Variants in TMEM9B observed in about 807,000 individuals in gnomAD.
The protein encoded by TMEM9B is TMEM9 domain family member B.
Under a neutral mutation model 23.5 loss-of-function variants are expected in TMEM9B, and 8 were observed. The observed-to-expected ratio is 0.34, with a 90% CI of 0.20 to 0.61. TMEM9B has a LOEUF of 0.61. Ranked by LOEUF, TMEM9B falls within the 20% of genes least tolerant of loss-of-function variation. The pLI, the probability that TMEM9B is intolerant of heterozygous loss-of-function variation, is 0.78. For synonymous variants in TMEM9B, 106 were observed against 96.3 expected, an observed-to-expected ratio of 1.10 and a Z score of -0.59; for missense variants, 197 against 252.3, an observed-to-expected ratio of 0.78 and a Z score of 1.49.
intron 2 of TMEM9B, among the ~76,000 whole-genome samples, chr11:8,961,819 GCT>G (rs1452312715): frequency 1.3e-5 from 2 of 152,198 alleles, no homozygotes; most frequent in Non-Finnish European, 2.9e-5. Flanking sequence ...CAGCAAGATA[GCT>G]ATGGGTAGTT....
chr11:8,960,139 T>G (rs1370548651), intron 2 of TMEM9B, among the ~76,000 whole-genome samples: 2 of 4,028 alleles, frequency 5.0e-4, no homozygotes, highest in Non-Finnish European at 8.9e-3. Flanking sequence ...TTTGTTTCTG[T>G]TTTTTTTTTT....
At chr11:8,949,046 C>T (rs111649699) in intron 4 of TMEM9B, among the ~76,000 whole-genome samples, 44 of 152,198 alleles carry the variant, frequency 2.9e-4, no homozygotes, top group African/African-American at 1.0e-3. Flanking sequence ...GTACCCTCAA[C>T]ACACACACTA....
rs138774946 is a variant in TMEM9B at position 8,964,235 on chromosome 11, G to A, written c.79C>T (p.Leu27=). 619 of 1,591,436 alleles carry A rather than the reference G, an allele frequency of 3.9e-4. No individual in the cohort carries two copies. The African/African-American group carries it at 7.5e-3, about 19-fold the overall frequency. Residue 27 remains leucine (L), a synonymous_variant, in exon 1 of 5, where the codon CTG becomes TTG. Coordinates refer to ENST00000534025, the MANE Select transcript of TMEM9B (RefSeq NM_020644.3). Reference sequence around the variant, plus strand: ...TTGGCGGCGTCTGACAGCTGCGCCAGCAGCAGCACGGAAAGCGCCAGGCAC... The same window carrying A: ...TTGGCGGCGTCTGACAGCTGCGCCAACAGCAGCACGGAAAGCGCCAGGCAC... ...LSCLALSVLL[L]AQLSDAAKNF...
chr11:8,964,456 T>C (rs991298855), upstream of TMEM9B: 3 of 1,421,160 alleles, frequency 2.1e-6, no homozygotes, highest in African/African-American at 1.5e-5. Context: ...CGCGAAGGCG[T>C]CACCGGGCGC....
rs1853791194 is a variant in TMEM9B, at chr11:8,947,522, C to A, written c.*798G>T. ...GAGGCTTGGGTTTAAAATAAAATTT[C>A]TTTATTGCAAGTGTCCAAGTCCTTA... On this transcript the variant is annotated 3_prime_UTR_variant, in exon 5 of 5. Transcript: ENST00000534025. 1 of 152,530 alleles carries A rather than the reference C, an allele frequency of 6.6e-6. No homozygotes were observed. The highest frequency in any genetic ancestry group is 3.2e-3 in the Middle Eastern group (1 of 316). The allele number at this position is 152,530 out of a possible 1,614,324, so 9.4% of individuals were successfully genotyped here.
At chr11:8,950,310 A>G (rs1327107209) in intron 4 of TMEM9B, among the ~76,000 whole-genome samples, 1 of 152,220 alleles carries the variant, frequency 6.6e-6, no homozygotes, top group African/African-American at 2.4e-5. Context: ...GTAGATTAAA[A>G]TGACACTATA....
rs1227081237 is a variant in TMEM9B at position 8,964,263 on chromosome 11, C to G, written c.51G>C (p.Leu17=). 2 of 1,596,938 alleles carry G rather than the reference C, an allele frequency of 1.3e-6. No homozygotes were observed. Among genetic ancestry groups the G allele is most frequent in the South Asian group, 1.1e-5 (1 of 88,402 alleles). The stretch of plus-strand genomic sequence containing the variant: ...GCAGCACGGAAAGCGCCAGGCACGA[C>G]AGGCTGAGCAAGGAGCCAAGCCGAA... ...GLLRLGSLLS[L]SCLALSVLLL... The change falls in exon 1 of 5, where the codon CTG becomes CTC. Residue 17 remains leucine, a synonymous_variant. Transcript: ENST00000534025.
chr11:8,954,343 G>C (rs907535248), intron 3 of TMEM9B, among the ~76,000 whole-genome samples: 1 of 151,782 alleles, frequency 6.6e-6, no homozygotes, highest in African/African-American at 2.4e-5. Context: ...TCACTGGAGT[G>C]CAGTGGCACG....
At chr11:8,951,961 T>C (rs1207983158) in intron 4 of TMEM9B, among the ~76,000 whole-genome samples, 1 of 151,336 alleles carries the variant, frequency 6.6e-6, no homozygotes, top group Non-Finnish European at 1.5e-5. Context: ...CAAAAAAAAT[T>C]AGCCAGGCGT....
chr11:8,959,283 A>C (rs1281623484), intron 2 of TMEM9B, among the ~76,000 whole-genome samples: 1 of 152,196 alleles, frequency 6.6e-6, no homozygotes, highest in Non-Finnish European at 1.5e-5. Flanking sequence ...GTCGACAAAA[A>C]TAAAAATTAG....
At chr11:8,960,427 C>T (rs1854055108) in intron 2 of TMEM9B, among the ~76,000 whole-genome samples, 1 of 152,070 alleles carries the variant, frequency 6.6e-6, no homozygotes, top group African/African-American at 2.4e-5. Context: ...CAGGTGTGAG[C>T]CACCATGTCC....
In TMEM9B at chr11:8,953,273, A is replaced by G; in HGVS notation, c.371T>C (p.Leu124Pro). Residue 124 changes from leucine (L) to proline (P), a missense_variant, in exon 4 of 5, where the codon CTG (leucine) becomes CCG (proline). Coordinates refer to ENST00000534025, the MANE Select transcript of TMEM9B (RefSeq NM_020644.3). Reference protein sequence around the residue: ...LLLLYMVYLTLVEPILKRRLF... With the variant: ...LLLLYMVYLTPVEPILKRRLF... ...GCGCCTCTTCAGTATGGGCTCAACC[A>G]GAGTAAGATATACCATGTACAGAAG... is the stretch of plus-strand genomic sequence containing the variant. 6.2e-7 allele frequency: 1 copy of G among 1,614,178 alleles called. No homozygotes were observed. Among genetic ancestry groups the G allele is most frequent in the Non-Finnish European group, 8.5e-7 (1 of 1,180,020 alleles).
chr11:8,964,539 C>A, upstream of TMEM9B: 1 of 1,310,744 alleles, frequency 7.6e-7, no homozygotes. Flanking sequence ...CTGGGCAGTC[C>A]TGGTGCCCGC....
chr11:8,953,251 C>G lies in TMEM9B; in HGVS notation c.393G>C (p.Arg131Ser). 6.2e-7 allele frequency: 1 copy of G among 1,614,126 alleles called. No individual in the cohort carries two copies. The highest frequency in any genetic ancestry group is 8.5e-7 in the Non-Finnish European group (1 of 1,180,034). Residue 131 changes from arginine to serine, a missense_variant, in exon 4 of 5, where the codon AGG becomes AGC. By Grantham distance (110) the Arg-to-Ser change is moderately radical. Coordinates refer to ENST00000534025, the MANE Select transcript of TMEM9B (RefSeq NM_020644.3). ...TCAACTGTGCATGTCCAAAGAGGCG[C>G]CTCTTCAGTATGGGCTCAACCAGAG... ...YLTLVEPILK[R>S]RLFGHAQLIQ...
intron 3 of TMEM9B, among the ~76,000 whole-genome samples, chr11:8,953,714 T>C (rs1178786894): frequency 6.6e-6 from 1 of 152,144 alleles, no homozygotes; most frequent in Non-Finnish European, 1.5e-5. Context: ...TGACCTTAAT[T>C]CATGTACTGA....
chr11:8,963,239 T>C (rs1459892238), intron 1 of TMEM9B, among the ~76,000 whole-genome samples: 1 of 152,214 alleles, frequency 6.6e-6, no homozygotes, highest in Non-Finnish European at 1.5e-5. Context: ...GAGGTAGAGA[T>C]GGTTTCAAAA....
At chr11:8,961,846 C>T (rs564181877) in intron 2 of TMEM9B, among the ~76,000 whole-genome samples, 66 of 152,108 alleles carry the variant, frequency 4.3e-4, no homozygotes, top group Non-Finnish European at 8.5e-4. Flanking sequence ...TGCCACAAAC[C>T]CAGTCATATG....
chr11:8,956,070 G>T, intron 3 of TMEM9B, 120 bp downstream of exon 3: 1 of 727,064 alleles, frequency 1.4e-6, no homozygotes, highest in Non-Finnish European at 2.2e-6. Flanking sequence ...AGGCAGAACA[G>T]GCCCATTATT....
chr11:8,961,392 A>G (rs1854078229), intron 2 of TMEM9B, among the ~76,000 whole-genome samples: 1 of 152,222 alleles, frequency 6.6e-6, no homozygotes, highest in Non-Finnish European at 1.5e-5. Context: ...TCACAATTCT[A>G]TGGGAAGGAA....
Sources: gnomAD v4.1 joint callset for allele counts (sites outside exome capture counted in the v4.1 genomes callset) on GRCh38, gnomAD v4.1.1 for gene constraint, MANE v1.5 for transcripts, NCBI Gene and HGNC (gene_info 2026-07-23, HGNC 2026-07-21) for gene names.